Variants in SEPTIN10 observed in about 807,000 individuals in gnomAD.
The protein encoded by SEPTIN10 is septin 10.
In SEPTIN10, 66 loss-of-function variants were observed where a neutral mutation model predicts 54.8. The ratio of observed to expected loss-of-function variants is 1.21; its 90% CI spans 0.99 to 1.48. The LOEUF (loss-of-function observed/expected upper bound fraction) is 1.48, where lower values mean the gene tolerates loss of function less well. SEPTIN10 is among the 40% of genes most tolerant of loss of function. The probability of loss-of-function intolerance (pLI) is 0.00; values close to 1 mark genes in which losing one functional copy is unlikely to be tolerated. For missense variants in SEPTIN10, 620 were observed against 545.6 expected, an observed-to-expected ratio of 1.14 and a Z score of -1.36; for synonymous variants, 161 against 181.0, an observed-to-expected ratio of 0.89 and a Z score of 0.89.
At chr2:109,606,671 GCTTTT>G (rs1340992911) in intron 1 of SEPTIN10, among the ~76,000 whole-genome samples, 2 of 95,228 alleles carry the variant, frequency 2.1e-5, no homozygotes, top group African/African-American at 4.1e-5. Context: ...AAAATTTTAA[GCTTTT>G]TTTTTTTTTT....
chr2:109,562,774 G>C (rs1686001675), intron 8 of SEPTIN10, among the ~76,000 whole-genome samples: 1 of 152,128 alleles, frequency 6.6e-6, no homozygotes, highest in African/African-American at 2.4e-5. Context: ...AGAAACACTA[G>C]GGAAGCTAAC....
intron 4 of SEPTIN10, 102 bp from the exon 5 acceptor site, chr2:109,574,869 A>C: frequency 1.4e-6 from 1 of 725,886 alleles, no homozygotes; most frequent in Non-Finnish European, 2.1e-6. Context: ...CTAATTAATA[A>C]ACAGTTAATA....
chr2:109,601,388 G>A (rs975485325), intron 1 of SEPTIN10, among the ~76,000 whole-genome samples: 3 of 152,154 alleles, frequency 2.0e-5, no homozygotes, highest in Non-Finnish European at 4.4e-5. Flanking sequence ...GTGTATAAAA[G>A]GGTCCATTTC....
chr2:109,579,286 ATCT>A (rs770832173), intron 4 of SEPTIN10, among the ~76,000 whole-genome samples: 8 of 152,092 alleles, frequency 5.3e-5, no homozygotes, highest in Non-Finnish European at 1.0e-4. Context: ...TAAACTCAAA[ATCT>A]TCTTAGAAAA....
intron 4 of SEPTIN10, among the ~76,000 whole-genome samples, chr2:109,580,910 A>G (rs1690953370): frequency 6.6e-6 from 1 of 152,220 alleles, no homozygotes. Context: ...AAACCCAGAC[A>G]GGAGTTCAAG....
intron 1 of SEPTIN10, chr2:109,613,566 C>T (rs1699756022): frequency 3.9e-6 from 1 of 255,456 alleles, no homozygotes; most frequent in African/African-American, 2.3e-5. Flanking sequence ...CGTCCCGACG[C>T]TGGCGCCGCG....
intron 6 of SEPTIN10, among the ~76,000 whole-genome samples, chr2:109,566,915 ATGG>A (rs1215401765): frequency 6.6e-6 from 1 of 152,178 alleles, no homozygotes; most frequent in Non-Finnish European, 1.5e-5. Flanking sequence ...TAGTTTCTTA[ATGG>A]TGGCTTTCTG....
intron 1 of SEPTIN10, chr2:109,613,373 G>A (rs1380157586): frequency 7.7e-5 from 26 of 335,674 alleles, no homozygotes; most frequent in South Asian, 6.3e-4. Context: ...TGAAAAGCCA[G>A]GGGAGCCGGG....
intron 1 of SEPTIN10, among the ~76,000 whole-genome samples, chr2:109,597,645 A>G (rs535919605): frequency 6.6e-6 from 1 of 152,148 alleles, no homozygotes; most frequent in South Asian, 2.1e-4. Context: ...ACACAAAACC[A>G]TATATAAATC....
chr2:109,576,354 C>T (rs536799399), intron 4 of SEPTIN10, among the ~76,000 whole-genome samples: 1 of 152,112 alleles, frequency 6.6e-6, no homozygotes, highest in African/African-American at 2.4e-5. Flanking sequence ...CTGCCTTGGC[C>T]TCCCAAAGCG....
intron 8 of SEPTIN10, among the ~76,000 whole-genome samples, chr2:109,561,447 A>G (rs1685636811): frequency 6.6e-6 from 1 of 152,152 alleles, no homozygotes; most frequent in Admixed American, 6.5e-5. Context: ...ACTCCCCTAC[A>G]AGAACATAAA....
At position 109,544,119 on chromosome 2, in the gene SEPTIN10, G is replaced by GT; in HGVS notation, c.*189dup. 6.6e-7 allele frequency: 1 copy of GT among 1,515,996 alleles called. No homozygotes were observed. Among genetic ancestry groups the GT allele is most frequent in the South Asian group, 1.2e-5 (1 of 82,214 alleles). The allele number at this position is 1,515,996 out of a possible 1,614,324, so 93.9% of individuals were successfully genotyped here. A position where few individuals can be genotyped will look rare whatever the true frequency, so the allele number is the denominator to read the frequency against. ...TTGAATTAGAGATGCTCAACTTGTA[G>GT]TATCATTCACTCTGGCTTATGTATT... is the stretch of plus-strand genomic sequence containing the variant. On this transcript the variant is annotated 3_prime_UTR_variant, in exon 11 of 11. Transcript: ENST00000397712.
intron 10 of SEPTIN10, chr2:109,544,781 T>A (rs1680749026): frequency 1.2e-6 from 1 of 818,748 alleles, no homozygotes; most frequent in Admixed American, 6.2e-5. Context: ...TACTATTTAT[T>A]CTTTCAAAAA....
At chr2:109,544,892 G>C (rs1680793650) in intron 10 of SEPTIN10, 1 of 922,486 alleles carries the variant, frequency 1.1e-6, no homozygotes, top group African/African-American at 1.8e-5. Context: ...AGCTTGCATT[G>C]AAAGATCATA....
chr2:109,583,501 G>A (rs1409681092), intron 4 of SEPTIN10, among the ~76,000 whole-genome samples: 1 of 152,136 alleles, frequency 6.6e-6, no homozygotes, highest in Non-Finnish European at 1.5e-5. Context: ...GATACTGGCG[G>A]GGCTGTAGAG....
At chr2:109,578,676 G>T (rs1417850916) in intron 4 of SEPTIN10, among the ~76,000 whole-genome samples, 2 of 151,968 alleles carry the variant, frequency 1.3e-5, no homozygotes, top group Non-Finnish European at 2.9e-5. Flanking sequence ...CTGAGGCCAG[G>T]GAATCGCTTG....
chr2:109,571,927 TGGTTG>T (rs2105367025), intron 5 of SEPTIN10, among the ~76,000 whole-genome samples: 1 of 152,314 alleles, frequency 6.6e-6, no homozygotes, highest in South Asian at 2.1e-4. Context: ...GACTCAAAGG[TGGTTG>T]GGTTGGCCAG....
At chr2:109,603,428 A>G (rs1483268134) in intron 1 of SEPTIN10, among the ~76,000 whole-genome samples, 1 of 152,100 alleles carries the variant, frequency 6.6e-6, no homozygotes. Flanking sequence ...TTTAGTAGAG[A>G]TGGGGTTTCA....
chr2:109,548,412 G>A (rs755683655), intron 9 of SEPTIN10, among the ~76,000 whole-genome samples: 15 of 152,200 alleles, frequency 9.9e-5, no homozygotes, highest in Non-Finnish European at 2.1e-4. Context: ...ATAGCTGGGC[G>A]TGATGGCTCA....
Sources: allele counts gnomAD v4.1 joint callset (sites outside exome capture counted in the v4.1 genomes callset), GRCh38; gene constraint gnomAD v4.1.1; transcripts MANE v1.5; gene names NCBI Gene and HGNC (gene_info 2026-07-23, HGNC 2026-07-21).